Variants in CNTN1 observed in about 807,000 individuals in gnomAD.
CNTN1 encodes the protein contactin 1.
Under a neutral mutation model 126.4 loss-of-function variants are expected in CNTN1, and 38 were observed. That is an observed-to-expected ratio of 0.30 (90% CI 0.23 to 0.39). The LOEUF (loss-of-function observed/expected upper bound fraction) is 0.39, where lower values mean the gene tolerates loss of function less well. CNTN1 is among the 10% of genes least tolerant of loss of function. The probability of loss-of-function intolerance (pLI) is 1.00; values close to 1 mark genes in which losing one functional copy is unlikely to be tolerated. For synonymous variants in CNTN1, 413 were observed against 422.6 expected (o/e 0.98, Z 0.28); for missense variants, 1,009 against 1,248.4 (o/e 0.81, Z 2.89).
intron 1 of CNTN1, among the ~76,000 whole-genome samples, chr12:40,884,141 C>T (rs7309734): frequency 0.54 from 82,347 of 151,286 alleles, 23,039 homozygotes; most frequent in African/African-American, 0.67. Context: ...GCAAGTAAAA[C>T]AGTTTAATCC....
chr12:40,943,680 A>G lies in CNTN1; in HGVS notation c.1463A>G (p.Asn488Ser). 1 of 1,612,668 alleles carries G rather than the reference A, an allele frequency of 6.2e-7. No homozygotes were observed. The highest frequency in any genetic ancestry group is 2.2e-5 in the East Asian group (1 of 44,762). ...DGGIYTCFAE[N>S]NRGKANSTGT... is the part of the protein sequence containing the mutation. ...GGTATCTATACATGCTTTGCAGAAA[A>G]TAACAGAGGGAAAGCTAATAGCACT... is the stretch of plus-strand genomic sequence containing the variant. The change falls in exon 13 of 24, where the codon AAT becomes AGT. Residue 488 changes from asparagine to serine, a missense_variant. Asn to Ser is a conservative substitution (Grantham distance 46). Coordinates refer to ENST00000551295, the MANE Select transcript of CNTN1 (RefSeq NM_001843.4).
intron 1 of CNTN1, among the ~76,000 whole-genome samples, chr12:40,709,911 C>A (rs561112874): frequency 3.9e-5 from 6 of 152,114 alleles, no homozygotes; most frequent in Admixed American, 2.0e-4. Flanking sequence ...GTCTGATTGT[C>A]TTTCTTATTT....
intron 3 of CNTN1, among the ~76,000 whole-genome samples, chr12:40,911,298 T>C (rs1036297813): frequency 3.3e-5 from 5 of 152,004 alleles, no homozygotes; most frequent in Non-Finnish European, 7.4e-5. Flanking sequence ...GCCAGGATGG[T>C]CTCAATCTCC....
chr12:40,939,934 C>A (rs1222545793), intron 12 of CNTN1, among the ~76,000 whole-genome samples: 1 of 152,106 alleles, frequency 6.6e-6, no homozygotes, highest in African/African-American at 2.4e-5. Flanking sequence ...CAAATAATCT[C>A]TTCCTATCTC....
intron 3 of CNTN1, among the ~76,000 whole-genome samples, chr12:40,917,620 C>T (rs895676004): frequency 2.6e-5 from 4 of 152,244 alleles, no homozygotes; most frequent in South Asian, 2.1e-4. Context: ...AGTGAACCAT[C>T]GCTTAGATTG....
chr12:40,770,009 G>C (rs12425583), intron 1 of CNTN1, among the ~76,000 whole-genome samples: 2 of 152,060 alleles, frequency 1.3e-5, no homozygotes, highest in Admixed American at 1.3e-4. Flanking sequence ...GTTCTGTTAG[G>C]TTGTTTTGCA....
intron 1 of CNTN1, among the ~76,000 whole-genome samples, chr12:40,803,527 A>C (rs1324620307): frequency 6.6e-6 from 1 of 151,996 alleles, no homozygotes; most frequent in East Asian, 1.9e-4. Context: ...TCTTGCTTAG[A>C]CATGTTTTAA....
At chr12:40,928,172 G>C (rs1945760020) in intron 6 of CNTN1, among the ~76,000 whole-genome samples, 2 of 151,920 alleles carry the variant, frequency 1.3e-5, no homozygotes, top group Admixed American at 6.6e-5. Context: ...TGGGGCAGGG[G>C]GAGTGGGGAT....
At chr12:41,002,453 A>G (rs915517070) in intron 17 of CNTN1, among the ~76,000 whole-genome samples, 1 of 150,860 alleles carries the variant, frequency 6.6e-6, no homozygotes, top group Non-Finnish European at 1.5e-5. Context: ...TTGTTGGTGT[A>G]TAGGAATGCT....
chr12:41,047,711 T>C (rs939343630), intron 23 of CNTN1, among the ~76,000 whole-genome samples: 2 of 152,144 alleles, frequency 1.3e-5, no homozygotes, highest in African/African-American at 4.8e-5. Context: ...TTCTCTTTTA[T>C]ACTTCTTTCA....
chr12:40,868,745 G>C (rs1033989955), intron 1 of CNTN1, among the ~76,000 whole-genome samples: 8 of 152,058 alleles, frequency 5.3e-5, no homozygotes, highest in Non-Finnish European at 1.2e-4. Flanking sequence ...ACAATTTCAT[G>C]GTCTTTGTCT....
chr12:40,879,906 C>A (rs1432011435), intron 1 of CNTN1, among the ~76,000 whole-genome samples: 2 of 151,926 alleles, frequency 1.3e-5, no homozygotes, highest in South Asian at 2.1e-4. Context: ...TCATTAAAAG[C>A]AAGAAATTCG....
intron 1 of CNTN1, among the ~76,000 whole-genome samples, chr12:40,722,732 T>C (rs1301788377): frequency 6.6e-6 from 1 of 152,110 alleles, no homozygotes; most frequent in Non-Finnish European, 1.5e-5. Flanking sequence ...TGTAAAATAT[T>C]TCAGAGAGTA....
intron 16 of CNTN1, among the ~76,000 whole-genome samples, chr12:40,989,839 A>T (rs1948057432): frequency 6.6e-6 from 1 of 152,148 alleles, no homozygotes; most frequent in African/African-American, 2.4e-5. Flanking sequence ...GAAGAAGTAT[A>T]TTGAGTGTGG....
chr12:40,908,357 G>A lies in CNTN1; in HGVS notation c.-76G>A, dbSNP rs1454688772. On this transcript the variant is annotated splice_region_variant and 5_prime_UTR_variant, in exon 2 of 24. The change creates a new upstream start codon in the 5' untranslated region. Transcript: ENST00000551295. Reference sequence around the variant, plus strand: ...CTTCTTCTTTTCTTTCTTGATGCAGGTGTTTAAAATTATCCAACTGCCATA... The same window carrying A: ...CTTCTTCTTTTCTTTCTTGATGCAGATGTTTAAAATTATCCAACTGCCATA... 6 of 973,846 alleles carry A rather than the reference G, an allele frequency of 6.2e-6. No homozygotes were observed. Among genetic ancestry groups the A allele is most frequent in the Non-Finnish European group, 9.8e-6 (6 of 612,530 alleles). 60.3% of individuals were successfully genotyped at this position (973,846 alleles called of 1,614,324 possible).
chr12:40,872,113 A>G (rs1223729765), intron 1 of CNTN1, among the ~76,000 whole-genome samples: 1 of 152,044 alleles, frequency 6.6e-6, no homozygotes, highest in East Asian at 1.9e-4. Context: ...TTGAGCTATT[A>G]TAAATACCAA....
At chr12:40,832,770 A>G (rs1280575452) in intron 1 of CNTN1, among the ~76,000 whole-genome samples, 1 of 152,044 alleles carries the variant, frequency 6.6e-6, no homozygotes, top group African/African-American at 2.4e-5. Context: ...TCAAATGCAA[A>G]CCAACCAATC....
intron 1 of CNTN1, among the ~76,000 whole-genome samples, chr12:40,755,948 G>A (rs1212496489): frequency 6.6e-6 from 1 of 152,000 alleles, no homozygotes; most frequent in Non-Finnish European, 1.5e-5. Flanking sequence ...GGTTTGGTTG[G>A]TTCAATTTCA....
chr12:41,025,439 C>T, intron 21 of CNTN1, 103 bp downstream of exon 21: 1 of 1,114,058 alleles, frequency 9.0e-7, no homozygotes, highest in Non-Finnish European at 1.4e-6. Context: ...TACCTGAGCA[C>T]ATTTTTCAAT....
Sources: gnomAD v4.1 joint callset for allele counts (sites outside exome capture counted in the v4.1 genomes callset) on GRCh38, gnomAD v4.1.1 for gene constraint, MANE v1.5 for transcripts, NCBI Gene and HGNC (gene_info 2026-07-23, HGNC 2026-07-21) for gene names.